The following SLC30A5 variants were observed in gnomAD, a reference collection of about 807,000 sequenced individuals.
SLC30A5 encodes the protein proton-coupled zinc antiporter SLC30A5.
A neutral mutation model predicts 79.6 loss-of-function variants in SLC30A5; 33 were observed. That is an observed-to-expected ratio of 0.41 (90% CI 0.31 to 0.55). The LOEUF is 0.55. Ranked by LOEUF, SLC30A5 falls within the 20% of genes least tolerant of loss-of-function variation. The probability of loss-of-function intolerance (pLI) is 0.20; values close to 1 mark genes in which losing one functional copy is unlikely to be tolerated. For missense variants in SLC30A5, 788 were observed against 928.1 expected (o/e 0.85, Z 1.96); for synonymous variants, 299 against 319.7 (o/e 0.94, Z 0.69).
In SLC30A5 at chr5:69,117,401, G is replaced by GTACAT; in HGVS notation, c.1439+7_1439+11dup. On this transcript the variant is annotated splice_donor_region_variant and intron_variant, in intron 11 of 15. Coordinates refer to ENST00000396591, the MANE Select transcript of SLC30A5 (RefSeq NM_022902.5). Reference sequence around the variant, plus strand: ...CACTCGGATTTTCTCCTATGGGTAGGTACATTGACTGTCGAGGTGGTATAT... The same window carrying GTACAT: ...CACTCGGATTTTCTCCTATGGGTAGGTACATTACATTGACTGTCGAGGTGGTATAT... The GTACAT allele has an allele frequency of 6.2e-7, 1 of 1,613,212 alleles. No individual in the cohort carries two copies. Among genetic ancestry groups the GTACAT allele is most frequent in the Non-Finnish European group, 8.5e-7 (1 of 1,179,542 alleles).
Position 69,130,952 on chromosome 5 carries a change from T to C in SLC30A5, c.*1335T>C, listed in dbSNP as rs907293220. 1 of 152,184 alleles carries C rather than the reference T, an allele frequency of 6.6e-6. No homozygotes were observed. The highest frequency in any genetic ancestry group is 2.4e-5 in the African/African-American group (1 of 41,448). 9.4% of individuals were successfully genotyped at this position (152,184 alleles called of 1,614,324 possible). ...ATAAATCATATTTTTGTCTTACCAA[T>C]TTTAATATATGAGGGGTTTTAGAAA... On this transcript the variant is annotated 3_prime_UTR_variant, in exon 16 of 16. Transcript: ENST00000396591.
intron 14 of SLC30A5, among the ~76,000 whole-genome samples, chr5:69,125,846 G>C (rs995559352): frequency 8.2e-6 from 1 of 122,282 alleles, no homozygotes; most frequent in Admixed American, 8.5e-5. Context: ...ACTCCAGCCC[G>C]GGCCACAGAG....
At chr5:69,128,580 C>T (rs954585204) in intron 15 of SLC30A5, among the ~76,000 whole-genome samples, 5 of 151,926 alleles carry the variant, frequency 3.3e-5, no homozygotes, top group African/African-American at 4.8e-5. Context: ...AAATCTGTAA[C>T]GGTAATATAG....
chr5:69,127,731 G>A (rs1303777859), intron 14 of SLC30A5, among the ~76,000 whole-genome samples: 1 of 152,114 alleles, frequency 6.6e-6, no homozygotes, highest in Non-Finnish European at 1.5e-5. Context: ...TCCTAGGTGA[G>A]ATTTTTTTTC....
chr5:69,128,621 T>A (rs1400153786), intron 15 of SLC30A5, among the ~76,000 whole-genome samples: 3 of 152,134 alleles, frequency 2.0e-5, no homozygotes, highest in Non-Finnish European at 4.4e-5. Flanking sequence ...TTGTTTTATA[T>A]CTAAAAATTG....
chr5:69,112,607 GA>G (rs201189759), intron 5 of SLC30A5, among the ~76,000 whole-genome samples: 1,544 of 135,804 alleles, frequency 0.011, 11 homozygotes, highest in Non-Finnish European at 0.016. Flanking sequence ...AGATCTGTCT[GA>G]AAAAAAAAAA....
At chr5:69,114,523 T>A in intron 7 of SLC30A5, 27 bp downstream of exon 7, 6 of 1,351,722 alleles carry the variant, frequency 4.4e-6, no homozygotes, top group South Asian at 1.2e-5. Flanking sequence ...CCTAACAGGA[T>A]CAAAAGATTC....
chr5:69,100,114 A>C (rs889171339), intron 1 of SLC30A5, among the ~76,000 whole-genome samples: 1 of 151,928 alleles, frequency 6.6e-6, no homozygotes, highest in Non-Finnish European at 1.5e-5. Flanking sequence ...AATTACAGGC[A>C]CCCGCCACCA....
intron 15 of SLC30A5, among the ~76,000 whole-genome samples, chr5:69,128,473 G>A (rs758859096): frequency 1.8e-4 from 27 of 151,984 alleles, no homozygotes; most frequent in Non-Finnish European, 3.1e-4. Flanking sequence ...ATGTTGGCCA[G>A]TCTAGTCTCA....
chr5:69,094,390 T>C, intron 1 of SLC30A5, 52 bp downstream of exon 1: 2 of 1,241,354 alleles, frequency 1.6e-6, no homozygotes, highest in Non-Finnish European at 2.0e-6. Context: ...CAGGATGCAC[T>C]TTCTCCGGCC....
At chr5:69,126,810 A>T (rs12655885) in intron 14 of SLC30A5, among the ~76,000 whole-genome samples, 43,862 of 148,678 alleles carry the variant, frequency 0.3, 7,653 homozygotes, top group East Asian at 0.46. Flanking sequence ...ACAACAACAA[A>T]ATATATATAT....
At chr5:69,127,896 G>A in intron 14 of SLC30A5, 108 bp from the exon 15 acceptor site, 2 of 918,124 alleles carry the variant, frequency 2.2e-6, no homozygotes, top group Non-Finnish European at 1.7e-6. Flanking sequence ...GCTTAATAGT[G>A]ATCCTGGACC....
chr5:69,094,382 G>A, intron 1 of SLC30A5, 44 bp downstream of exon 1: 2 of 1,242,724 alleles, frequency 1.6e-6, no homozygotes, highest in Non-Finnish European at 2.0e-6. Flanking sequence ...GGGTCGCTCA[G>A]GATGCACTTT....
intron 5 of SLC30A5, among the ~76,000 whole-genome samples, chr5:69,112,682 G>C (rs1015012340): frequency 2.0e-5 from 3 of 151,812 alleles, no homozygotes; most frequent in African/African-American, 7.3e-5. Context: ...TACTTTACTA[G>C]ATCTTAGAAA....
chr5:69,124,129 A>AAT, intron 14 of SLC30A5, among the ~76,000 whole-genome samples: 2 of 151,240 alleles, frequency 1.3e-5, no homozygotes, highest in Non-Finnish European at 2.9e-5. Context: ...AAAAAAAAAA[A>AAT]ACCTAACAGT....
Position 69,094,158 on chromosome 5 carries a change from T to C in SLC30A5, c.-98T>C. On this transcript the variant is annotated 5_prime_UTR_variant, in exon 1 of 16. The change abolishes an upstream ATG in the 5' untranslated region. Coordinates refer to ENST00000396591, the MANE Select transcript of SLC30A5 (RefSeq NM_022902.5). ...CAGGAGCCCGACGGGGTCTCTGCCATGGGGGAGTGACGCGCCTGCACCCGC... is the reference window on the plus strand; with the variant it reads ...CAGGAGCCCGACGGGGTCTCTGCCACGGGGGAGTGACGCGCCTGCACCCGC... 2 of 600,952 alleles carry C rather than the reference T, an allele frequency of 3.3e-6. No individual in the cohort carries two copies. The highest frequency in any genetic ancestry group is 5.0e-6 in the Non-Finnish European group (2 of 399,586). The allele number at this position is 600,952 out of a possible 1,614,324, so 37.2% of individuals were successfully genotyped here.
chr5:69,117,109 T>A, intron 10 of SLC30A5, 130 bp from the exon 11 acceptor site: 1 of 658,342 alleles, frequency 1.5e-6, no homozygotes, highest in Non-Finnish European at 2.5e-6. Flanking sequence ...GTTTCTAATG[T>A]AAGTGGCAGT....
chr5:69,130,450 T>C lies in SLC30A5; in HGVS notation c.*833T>C, dbSNP rs1746820267. On this transcript the variant is annotated 3_prime_UTR_variant, in exon 16 of 16. Transcript: ENST00000396591. ...TGGTAAGCTTTCATCCTTTCTTAGC[T>C]CCATAACGTTGTGAAACAGCCAGTT... The C allele has an allele frequency of 6.6e-6, 1 of 152,164 alleles. No homozygotes were observed. Among genetic ancestry groups the C allele is most frequent in the South Asian group, 2.1e-4 (1 of 4,834 alleles). 9.4% of individuals were successfully genotyped at this position (152,164 alleles called of 1,614,324 possible). A position where few individuals can be genotyped will look rare whatever the true frequency, so the allele number is the denominator to read the frequency against.
At chr5:69,113,087 TA>T (rs1561293061) in intron 5 of SLC30A5, 52 bp from the exon 6 acceptor site, 3 of 1,467,480 alleles carry the variant, frequency 2.0e-6, no homozygotes, top group Admixed American at 1.8e-5. Context: ...GTTACGGTCT[TA>T]AAAATCAACC....
Sources: allele counts gnomAD v4.1 joint callset (sites outside exome capture counted in the v4.1 genomes callset), GRCh38; gene constraint gnomAD v4.1.1; transcripts MANE v1.5; gene names NCBI Gene and HGNC (gene_info 2026-07-23, HGNC 2026-07-21).